The following RORA variants were observed in gnomAD, a reference collection of about 807,000 sequenced individuals.
RORA encodes the protein nuclear receptor ROR-alpha.
RORA carries 7 observed loss-of-function variants against 69.5 expected under a neutral mutation model. The ratio of observed to expected loss-of-function variants is 0.10; its 90% CI spans 0.06 to 0.19. The LOEUF (loss-of-function observed/expected upper bound fraction) is 0.19. Among genes scored for constraint, RORA ranks in the 10% least tolerant of loss-of-function variants. The pLI, the probability that RORA is intolerant of heterozygous loss-of-function variation, is 1.00. For missense variants in RORA, 457 were observed against 663.0 expected (o/e 0.69, Z 3.41); for synonymous variants, 261 against 240.8 (o/e 1.08, Z -0.78).
chr15:60,593,785 C>T (rs1326298695), intron 2 of RORA, among the ~76,000 whole-genome samples: 1 of 152,174 alleles, frequency 6.6e-6, no homozygotes, highest in East Asian at 1.9e-4. Context: ...TGGCTATTAG[C>T]TGTTGCATTC....
At chr15:60,857,683 G>T (rs2073395324) in intron 1 of RORA, among the ~76,000 whole-genome samples, 1 of 152,192 alleles carries the variant, frequency 6.6e-6, no homozygotes, top group Admixed American at 6.5e-5. Context: ...CCAGCTAGCA[G>T]CTTCAGCCGT....
intron 2 of RORA, among the ~76,000 whole-genome samples, chr15:60,647,694 G>C (rs1251057542): frequency 3.3e-5 from 5 of 152,200 alleles, no homozygotes; most frequent in Admixed American, 6.5e-5. Flanking sequence ...TTCAGAAAGA[G>C]AGAAGAGCCC....
rs2078186551 is a variant in RORA, at chr15:61,061,521, G to T, written c.166+167532C>A. Reference sequence around the variant, plus strand: ...GGTAGGCCAGGATAGACAAACTTCTGACCTCGCCCCTCATTCTAAAGTGTA... The same window carrying T: ...GGTAGGCCAGGATAGACAAACTTCTTACCTCGCCCCTCATTCTAAAGTGTA... On this transcript the variant is annotated intron_variant, in intron 1 of 10. Transcript: ENST00000335670. The surrounding 1 kb of genome is among the most constrained non-coding windows in gnomAD (Gnocchi z 4.4). Among the ~76,000 whole-genome samples the T allele has an allele frequency of 6.6e-6, 1 of 152,034 alleles. No individual in the cohort carries two copies. Among genetic ancestry groups the T allele is most frequent in the Admixed American group, 6.5e-5 (1 of 15,268 alleles).
intron 2 of RORA, among the ~76,000 whole-genome samples, chr15:60,603,856 G>A (rs1292180709): frequency 2.6e-5 from 4 of 152,046 alleles, no homozygotes; most frequent in Non-Finnish European, 5.9e-5. Flanking sequence ...CAAACAGGGC[G>A]GGGCATGGTG....
intron 1 of RORA, among the ~76,000 whole-genome samples, chr15:60,839,303 CATT>C (rs767353492): frequency 2.0e-5 from 3 of 152,156 alleles, no homozygotes; most frequent in Non-Finnish European, 2.9e-5. Context: ...ACAATAATCA[CATT>C]AAAGATGATG....
chr15:60,792,434 A>G (rs944945048), intron 1 of RORA, among the ~76,000 whole-genome samples: 2 of 152,202 alleles, frequency 1.3e-5, no homozygotes, highest in African/African-American at 4.8e-5. Flanking sequence ...GGTTAAAGAC[A>G]TCAACTTATA....
intron 1 of RORA, among the ~76,000 whole-genome samples, chr15:60,991,800 G>A (rs1894388643): frequency 6.6e-6 from 1 of 152,040 alleles, no homozygotes; most frequent in Admixed American, 6.6e-5. Flanking sequence ...CTACTCAGGA[G>A]GTTGATGAGG....
intron 1 of RORA, among the ~76,000 whole-genome samples, chr15:61,101,486 A>AACAT (rs2078879233): frequency 6.6e-6 from 1 of 152,088 alleles, no homozygotes; most frequent in African/African-American, 2.4e-5. Flanking sequence ...ACATTCACGA[A>AACAT]ACTGATAGAT....
chr15:60,591,498 C>T (rs2068509027), intron 2 of RORA, among the ~76,000 whole-genome samples: 2 of 152,236 alleles, frequency 1.3e-5, no homozygotes, highest in Non-Finnish European at 2.9e-5. Context: ...GTCCTCCCTC[C>T]AACCAAATCC....
At chr15:61,173,734 C>T (rs577872297) in intron 1 of RORA, among the ~76,000 whole-genome samples, 5 of 152,328 alleles carry the variant, frequency 3.3e-5, no homozygotes, top group South Asian at 2.1e-4. Context: ...CGGCTCACTG[C>T]GACCTCAACC....
In RORA at chr15:60,740,949, A is replaced by G. The variant is rs574662328; in HGVS notation, c.167-62263T>C. Among the ~76,000 whole-genome samples, 6 of 152,332 alleles carry G rather than the reference A, an allele frequency of 3.9e-5. No homozygotes were observed. In the East Asian group the frequency reaches 1.2e-3, roughly 29 times the overall value. ...GAGAAAGCAGCTGTGGCACTTTTTG[A>G]GGCTGTGCAATTGGTTCACCTGTAT... On this transcript the variant is annotated intron_variant, in intron 1 of 10. Transcript: ENST00000335670.
intron 2 of RORA, among the ~76,000 whole-genome samples, chr15:60,662,641 G>GA (rs2070320960): frequency 8.4e-5 from 3 of 35,548 alleles, no homozygotes; most frequent in Non-Finnish European, 1.1e-4. Context: ...TTATTCAACA[G>GA]AAAAAAACAT....
At chr15:60,771,889 G>A (rs961613796) in intron 1 of RORA, among the ~76,000 whole-genome samples, 2 of 152,186 alleles carry the variant, frequency 1.3e-5, no homozygotes. Context: ...GCACGGTGCT[G>A]CAGTGCATTT....
intron 1 of RORA, among the ~76,000 whole-genome samples, chr15:61,136,924 G>A (rs2079245323): frequency 6.6e-6 from 1 of 151,920 alleles, no homozygotes; most frequent in Non-Finnish European, 1.5e-5. Flanking sequence ...CCTGGAATTT[G>A]CTCTTTTGGC....
At chr15:61,066,962 G>T (rs1367349534) in intron 1 of RORA, among the ~76,000 whole-genome samples, 1 of 150,536 alleles carries the variant, frequency 6.6e-6, no homozygotes, top group African/African-American at 2.4e-5. Context: ...ATTTTTGGCA[G>T]CTGCATTAAA....
intron 1 of RORA, among the ~76,000 whole-genome samples, chr15:61,008,131 TA>T (rs996195498): frequency 6.0e-4 from 91 of 151,488 alleles, no homozygotes; most frequent in Non-Finnish European, 1.0e-3. Context: ...AAACTTATGA[TA>T]AAAAAAATTT....
At chr15:61,042,133 T>A (rs920750558) in intron 1 of RORA, among the ~76,000 whole-genome samples, 1 of 152,240 alleles carries the variant, frequency 6.6e-6, no homozygotes, top group Non-Finnish European at 1.5e-5. Flanking sequence ...TTTGATTTTA[T>A]GTTTCTAGAG....
At chr15:61,199,401 C>T (rs1426395638) in intron 1 of RORA, among the ~76,000 whole-genome samples, 1 of 152,120 alleles carries the variant, frequency 6.6e-6, no homozygotes, top group East Asian at 1.9e-4. Flanking sequence ...GAATCAGATA[C>T]AGATGTACAA....
intron 1 of RORA, among the ~76,000 whole-genome samples, chr15:60,778,806 G>A (rs538648287): frequency 1.3e-5 from 2 of 152,180 alleles, no homozygotes; most frequent in East Asian, 1.9e-4. Flanking sequence ...AGAGCACAGT[G>A]TCTACTGGTT....
Sources: allele counts gnomAD v4.1 joint callset (sites outside exome capture counted in the v4.1 genomes callset), GRCh38; gene constraint gnomAD v4.1.1; non-coding constraint Gnocchi (gnomAD v3.1); transcripts MANE v1.5; gene names NCBI Gene and HGNC (gene_info 2026-07-23, HGNC 2026-07-21).